Variants in RBFOX1 observed in about 807,000 individuals in gnomAD.
The protein encoded by RBFOX1 is RNA binding protein fox-1 homolog 1.
RBFOX1 carries 8 observed loss-of-function variants against 57.7 expected under a neutral mutation model. The observed-to-expected ratio is 0.14, with a 90% CI of 0.08 to 0.25. RBFOX1 has a LOEUF of 0.25. RBFOX1 is among the 10% of genes least tolerant of loss of function. RBFOX1 has a pLI of 1.00. For synonymous variants in RBFOX1, 326 were observed against 222.4 expected, an observed-to-expected ratio of 1.47 and a Z score of -4.15; for missense variants, 611 against 548.5, an observed-to-expected ratio of 1.11 and a Z score of -1.14.
chr16:7,132,606 GA>G (rs564705391), intron 4 of RBFOX1, among the ~76,000 whole-genome samples: 8,673 of 138,852 alleles, frequency 0.062, 862 homozygotes, highest in African/African-American at 0.21. Flanking sequence ...TTGTAAAGCT[GA>G]AAAAAAAAAA....
At chr16:7,002,592 A>G (rs1167588250) in intron 3 of RBFOX1, among the ~76,000 whole-genome samples, 1 of 152,110 alleles carries the variant, frequency 6.6e-6, no homozygotes, top group Non-Finnish European at 1.5e-5. Flanking sequence ...TGCACATGTC[A>G]TCCCAGCCAC....
intron 4 of RBFOX1, among the ~76,000 whole-genome samples, chr16:7,172,234 C>T (rs2080841734): frequency 6.6e-6 from 1 of 152,126 alleles, no homozygotes; most frequent in African/African-American, 2.4e-5. Flanking sequence ...TCCACATACT[C>T]TTCAATAAAT....
chr16:6,874,603 C>G (rs73540683), intron 3 of RBFOX1, among the ~76,000 whole-genome samples: 12,034 of 150,654 alleles, frequency 0.08, 1,620 homozygotes, highest in African/African-American at 0.27. Flanking sequence ...TGAAGTAACT[C>G]AGGAATGGAA....
intron 2 of RBFOX1, among the ~76,000 whole-genome samples, chr16:5,494,651 A>G (rs2042940980): frequency 6.6e-6 from 1 of 152,170 alleles, no homozygotes; most frequent in South Asian, 2.1e-4. Flanking sequence ...GGAGCCATAT[A>G]TGCTTGGCAG....
intron 4 of RBFOX1, among the ~76,000 whole-genome samples, chr16:7,445,928 C>T (rs899486710): frequency 4.6e-5 from 7 of 152,156 alleles, no homozygotes; most frequent in East Asian, 1.9e-4. Flanking sequence ...TGTGAAGCTT[C>T]GCTTTCCCTC....
chr16:7,266,349 C>T (rs2095142085), intron 4 of RBFOX1, among the ~76,000 whole-genome samples: 2 of 152,146 alleles, frequency 1.3e-5, no homozygotes, highest in African/African-American at 4.8e-5. Flanking sequence ...GCTTTGGTCA[C>T]GTGATGCTTC....
intron 1 of RBFOX1, among the ~76,000 whole-genome samples, chr16:6,294,368 T>C (rs1421061396): frequency 1.3e-5 from 2 of 152,200 alleles, no homozygotes; most frequent in African/African-American, 2.4e-5. Context: ...GTTGGATTTG[T>C]AGATATTTAA....
chr16:6,889,641 C>G (rs1270462832), intron 3 of RBFOX1, among the ~76,000 whole-genome samples: 1 of 152,156 alleles, frequency 6.6e-6, no homozygotes, highest in African/African-American at 2.4e-5. Flanking sequence ...ATCCGTAAGC[C>G]CATCCTCAAT....
intron 3 of RBFOX1, among the ~76,000 whole-genome samples, chr16:6,871,689 C>T (rs79413315): frequency 0.014 from 2,093 of 152,168 alleles, 52 homozygotes; most frequent in African/African-American, 0.047. Flanking sequence ...ACTCTTGTCC[C>T]CATTAATCTA....
intron 1 of RBFOX1, among the ~76,000 whole-genome samples, chr16:5,242,243 A>C (rs2151059440): frequency 6.6e-6 from 1 of 152,320 alleles, no homozygotes; most frequent in South Asian, 2.1e-4. Flanking sequence ...CAGAAACCCC[A>C]CTGAATTTCT....
intron 1 of RBFOX1, among the ~76,000 whole-genome samples, chr16:5,343,591 G>T (rs1195655679): frequency 6.6e-6 from 1 of 151,984 alleles, no homozygotes; most frequent in Non-Finnish European, 1.5e-5. Context: ...AAAGTGCTGG[G>T]ATTACAGGCA....
intron 3 of RBFOX1, among the ~76,000 whole-genome samples, chr16:6,804,607 T>G (rs2086285239): frequency 6.6e-6 from 1 of 152,194 alleles, no homozygotes; most frequent in African/African-American, 2.4e-5. Flanking sequence ...ATATCAAGTT[T>G]CACAATGTGT....
intron 3 of RBFOX1, among the ~76,000 whole-genome samples, chr16:5,745,370 C>G (rs964746882): frequency 1.6e-4 from 24 of 152,242 alleles, no homozygotes; most frequent in African/African-American, 5.8e-4. Context: ...GGTTCCAAGT[C>G]TTTACTATTG....
At chr16:5,927,803 G>A (rs951254474) in intron 4 of RBFOX1, among the ~76,000 whole-genome samples, 3 of 152,142 alleles carry the variant, frequency 2.0e-5, no homozygotes, top group Non-Finnish European at 4.4e-5. Context: ...GTGACAAAAT[G>A]GGTAAACCTG....
At chr16:5,259,562 G>C (rs1257968805) in intron 1 of RBFOX1, among the ~76,000 whole-genome samples, 1 of 152,196 alleles carries the variant, frequency 6.6e-6, no homozygotes, top group African/African-American at 2.4e-5. Context: ...AGCTTTCAGT[G>C]GGTGCTCAGT....
At chr16:6,880,499 C>T (rs555480506) in intron 3 of RBFOX1, among the ~76,000 whole-genome samples, 3 of 152,154 alleles carry the variant, frequency 2.0e-5, no homozygotes, top group Non-Finnish European at 4.4e-5. Context: ...AAAAGCTGGG[C>T]CAGGTAGAGA....
intron 1 of RBFOX1, among the ~76,000 whole-genome samples, chr16:6,146,903 C>T (rs533238274): frequency 2.0e-5 from 3 of 152,110 alleles, no homozygotes; most frequent in Admixed American, 6.6e-5. Flanking sequence ...AAATGGTAGA[C>T]GATTCTGAAG....
chr16:7,201,168 A>C (rs1207341038), intron 4 of RBFOX1, among the ~76,000 whole-genome samples: 1 of 152,210 alleles, frequency 6.6e-6, no homozygotes, highest in Admixed American at 6.5e-5. Context: ...TTGGAGAGAA[A>C]GACCTCTCTG....
intron 2 of RBFOX1, among the ~76,000 whole-genome samples, chr16:5,559,533 T>C (rs947780239): frequency 1.8e-4 from 27 of 152,320 alleles, no homozygotes; most frequent in African/African-American, 6.5e-4. Flanking sequence ...GATCGGGCCT[T>C]GGCCACATGG....
Sources: allele counts gnomAD v4.1 joint callset (sites outside exome capture counted in the v4.1 genomes callset), GRCh38; gene constraint gnomAD v4.1.1; transcripts MANE v1.5; gene names NCBI Gene and HGNC (gene_info 2026-07-23, HGNC 2026-07-21).